PLCH1: variants seen among roughly 807,000 people sequenced by gnomAD.
The protein encoded by PLCH1 is 1-phosphatidylinositol 4,5-bisphosphate phosphodiesterase eta-1.
A neutral mutation model predicts 126.7 loss-of-function variants in PLCH1; 60 were observed. The observed-to-expected ratio is 0.47, with a 90% CI of 0.38 to 0.59. The LOEUF is 0.59. Among genes scored for constraint, PLCH1 ranks in the 20% least tolerant of loss-of-function variants. PLCH1 has a pLI of 0.00. For missense variants in PLCH1, 1,723 were observed against 2,040.0 expected (o/e 0.84, Z 2.99); for synonymous variants, 719 against 734.9 (o/e 0.98, Z 0.35).
At chr3:155,624,678 C>T (rs1737000391) in intron 2 of PLCH1, among the ~76,000 whole-genome samples, 1 of 152,122 alleles carries the variant, frequency 6.6e-6, no homozygotes. Context: ...AGAAATACAA[C>T]TTACAAGGGA....
intron 2 of PLCH1, among the ~76,000 whole-genome samples, chr3:155,648,002 T>A (rs1054624791): frequency 2.0e-5 from 3 of 152,208 alleles, no homozygotes; most frequent in Admixed American, 1.3e-4. Context: ...CCTGCTGTAT[T>A]TATCCAAAGG....
At chr3:155,547,655 G>C (rs7636015) in intron 10 of PLCH1, among the ~76,000 whole-genome samples, 1 of 151,460 alleles carries the variant, frequency 6.6e-6, no homozygotes, top group South Asian at 2.1e-4. Flanking sequence ...GTCCAAGAAT[G>C]ATAGACTGGA....
rs1212113135 is a variant in PLCH1 at position 155,568,283 on chromosome 3, C to A, written c.813G>T (p.Lys271Asn). 1 of 1,554,570 alleles carries A rather than the reference C, an allele frequency of 6.4e-7. No homozygotes were observed. Residue 271 changes from lysine (K) to asparagine (N), a missense_variant, in exon 7 of 23, where the codon AAG (lysine) becomes AAT (asparagine). Physicochemically the swap from Lys to Asn is moderately conservative, Grantham distance 94. Coordinates refer to ENST00000460012, the MANE Select transcript of PLCH1 (RefSeq NM_014996.4). ...VTTDYCLDII[K>N]KFEVSEENKV... ...TATTTTCTTCTGAAACTTCAAACTT[C>A]TTTATGATGTCAAGACAATAGTCCG...
chr3:155,469,371 C>G (rs1713071672), intron 21 of PLCH1, among the ~76,000 whole-genome samples: 1 of 152,330 alleles, frequency 6.6e-6, no homozygotes, highest in East Asian at 1.9e-4. Flanking sequence ...TTCGGACCGG[C>G]CTAAAAAACG....
chr3:155,496,941 T>C (rs1178979207), intron 15 of PLCH1, among the ~76,000 whole-genome samples: 1 of 152,248 alleles, frequency 6.6e-6, no homozygotes, highest in East Asian at 1.9e-4. Context: ...TTTTAGCCAA[T>C]TAATTTCTTC....
At chr3:155,503,306 T>A (rs575210178) in intron 13 of PLCH1, among the ~76,000 whole-genome samples, 49 of 152,244 alleles carry the variant, frequency 3.2e-4, no homozygotes, top group African/African-American at 9.6e-4. Context: ...GAATTTAATA[T>A]TGATGGAATA....
At chr3:155,613,969 T>C (rs540038623) in intron 2 of PLCH1, among the ~76,000 whole-genome samples, 4 of 152,266 alleles carry the variant, frequency 2.6e-5, no homozygotes, top group Non-Finnish European at 2.9e-5. Flanking sequence ...ACAAAATCAA[T>C]GTACACAAAT....
chr3:155,706,172 CAAAAAAAAAAA>C (rs34725442), intron 1 of PLCH1, among the ~76,000 whole-genome samples: 3,408 of 61,686 alleles, frequency 0.055, 114 homozygotes, highest in East Asian at 0.14. Context: ...GACTCTATCT[CAAAAAAAAAAA>C]AAAAAAAAAA....
chr3:155,727,903 T>C (rs574720237), intron 1 of PLCH1, among the ~76,000 whole-genome samples: 1 of 152,190 alleles, frequency 6.6e-6, no homozygotes, highest in African/African-American at 2.4e-5. Flanking sequence ...TTTCTTTTTT[T>C]TTTTTCTAAT....
chr3:155,595,376 C>A (rs1057041670), intron 3 of PLCH1, among the ~76,000 whole-genome samples: 1 of 152,202 alleles, frequency 6.6e-6, no homozygotes, highest in Non-Finnish European at 1.5e-5. Context: ...TATACACCAT[C>A]TACCCCTCAC....
chr3:155,621,064 G>T (rs1041764619), intron 2 of PLCH1, among the ~76,000 whole-genome samples: 4 of 152,174 alleles, frequency 2.6e-5, no homozygotes, highest in African/African-American at 9.7e-5. Context: ...CCAGAGGAAG[G>T]AACAGGCTGC....
At chr3:155,536,992 C>T (rs1223839552) in intron 10 of PLCH1, among the ~76,000 whole-genome samples, 1 of 152,064 alleles carries the variant, frequency 6.6e-6, no homozygotes, top group Admixed American at 6.6e-5. Flanking sequence ...CAAAATCCTA[C>T]AAGCTAGAAA....
chr3:155,680,118 C>T (rs539814684), intron 2 of PLCH1, among the ~76,000 whole-genome samples: 2 of 152,310 alleles, frequency 1.3e-5, no homozygotes, highest in East Asian at 3.9e-4. Flanking sequence ...GGCGCGGTGG[C>T]TCACGCCTGT....
chr3:155,687,340 A>C (rs888830614), intron 2 of PLCH1, among the ~76,000 whole-genome samples: 36 of 152,186 alleles, frequency 2.4e-4, no homozygotes, highest in African/African-American at 8.7e-4. Flanking sequence ...CCTTGGAAAA[A>C]AGAAAAAAGA....
At chr3:155,641,689 A>G (rs1739417076) in intron 2 of PLCH1, among the ~76,000 whole-genome samples, 1 of 152,348 alleles carries the variant, frequency 6.6e-6, no homozygotes, top group African/African-American at 2.4e-5. Flanking sequence ...GTATCAAAAT[A>G]TTATATGTAC....
intron 2 of PLCH1, among the ~76,000 whole-genome samples, chr3:155,652,316 A>C (rs1740799539): frequency 6.6e-6 from 1 of 152,194 alleles, no homozygotes; most frequent in African/African-American, 2.4e-5. Context: ...TCATTTATCT[A>C]ATGGACACGA....
chr3:155,486,215 GA>G (rs149711927), intron 21 of PLCH1: 1 of 1,531,542 alleles, frequency 6.5e-7, no homozygotes. Context: ...CACTGTAAAG[GA>G]AAAAAACAAA....
At chr3:155,729,195 T>TTCTGTCTTC in intron 1 of PLCH1, among the ~76,000 whole-genome samples, 1 of 152,356 alleles carries the variant, frequency 6.6e-6, no homozygotes, top group Admixed American at 6.5e-5. Flanking sequence ...TTATCCTCTC[T>TTCTGTCTTC]TCTGTCTTCT....
At chr3:155,679,685 C>T (rs909153309) in intron 2 of PLCH1, among the ~76,000 whole-genome samples, 7 of 152,288 alleles carry the variant, frequency 4.6e-5, no homozygotes, top group Non-Finnish European at 5.9e-5. Flanking sequence ...AACCTACTGA[C>T]GCAAACCTAG....
Sources: gnomAD v4.1 joint callset for allele counts (sites outside exome capture counted in the v4.1 genomes callset) on GRCh38, gnomAD v4.1.1 for gene constraint, MANE v1.5 for transcripts, NCBI Gene and HGNC (gene_info 2026-07-23, HGNC 2026-07-21) for gene names.